The following CEL variants were observed in gnomAD, a reference collection of about 807,000 sequenced individuals.
CEL encodes the protein carboxyl ester lipase.
A neutral mutation model predicts 57.1 loss-of-function variants in CEL; 39 were observed. The ratio of observed to expected loss-of-function variants is 0.68; its 90% CI spans 0.53 to 0.89. CEL has a LOEUF of 0.89. Among genes scored for constraint, CEL ranks in the 40% least tolerant of loss-of-function variants. CEL has a pLI of 0.00. For synonymous variants in CEL, 314 were observed against 396.6 expected (o/e 0.79, Z 2.48); for missense variants, 698 against 915.0 (o/e 0.76, Z 3.06).
At chr9:133,064,920 G>T in intron 3 of CEL, 120 bp from the exon 4 acceptor site, 1 of 1,535,506 alleles carries the variant, frequency 6.5e-7, no homozygotes, top group South Asian at 1.2e-5. Flanking sequence ...CTGGGGCAGG[G>T]CAGCGCCTTG....
At chr9:133,067,039 G>A (rs1564211714) in intron 6 of CEL, 49 bp from the exon 7 acceptor site, 2 of 1,610,480 alleles carry the variant, frequency 1.2e-6, no homozygotes, top group Non-Finnish European at 8.5e-7. Context: ...ATGGTTCTGA[G>A]CCCTGAGCTC....
chr9:133,071,772 T>G lies in CEL; in HGVS notation c.*8T>G. On this transcript the variant is annotated 3_prime_UTR_variant, in exon 11 of 11. Transcript: ENST00000372080. Reference sequence around the variant, plus strand: ...GCAGTCATTAGGTTTTAGCGTCCCATGAGCCTTGGTATCAAGAGGCCACAA... The same window carrying G: ...GCAGTCATTAGGTTTTAGCGTCCCAGGAGCCTTGGTATCAAGAGGCCACAA... The G allele has an allele frequency of 6.2e-7, 1 of 1,611,164 alleles. No individual in the cohort carries two copies. The highest frequency in any genetic ancestry group is 1.1e-5 in the South Asian group (1 of 91,028).
At chr9:133,063,943 AG>A (rs1333576229) in intron 1 of CEL, among the ~76,000 whole-genome samples, 5 of 152,160 alleles carry the variant, frequency 3.3e-5, no homozygotes, top group African/African-American at 9.7e-5. Flanking sequence ...GAAAGGAGGA[AG>A]GTTGGTGTGA....
rs1830256951 is a variant in CEL, at chr9:133,071,152, C to T, written c.1650C>T (p.Pro550=). The change falls in exon 11 of 11, where the codon CCC becomes CCT. Residue 550 remains proline, a synonymous_variant. Transcript: ENST00000372080. Reference sequence around the variant, plus strand: ...GGACCCTCACCTATCTGGCGCTGCCCACAGTGACCGACCAGGAGGCCACCC... The same window carrying T: ...GGACCCTCACCTATCTGGCGCTGCCTACAGTGACCGACCAGGAGGCCACCC... ...RYWTLTYLAL[P]TVTDQEATPV... 1 of 1,608,526 alleles carries T rather than the reference C, an allele frequency of 6.2e-7. No homozygotes were observed. The highest frequency in any genetic ancestry group is 8.5e-7 in the Non-Finnish European group (1 of 1,179,600).
chr9:133,068,503 A>G (rs1041568231), intron 7 of CEL, among the ~76,000 whole-genome samples, 169 bp from the exon 8 acceptor site: 1 of 151,222 alleles, frequency 6.6e-6, no homozygotes, highest in Non-Finnish European at 1.5e-5. Context: ...TGCTCTAAAC[A>G]TCCTACAGGG....
intron 10 of CEL, 46 bp from the exon 11 acceptor site, chr9:133,070,941 C>T (rs1189715086): frequency 6.2e-7 from 1 of 1,604,440 alleles, no homozygotes; most frequent in South Asian, 1.1e-5. Context: ...GGGCTTCAGC[C>T]CCCTGGGAGT....
In CEL at chr9:133,066,080, GA is replaced by G. The variant is rs1186950171; in HGVS notation, c.539-449del. Among the ~76,000 whole-genome samples, 3 of 152,158 alleles carry G rather than the reference GA, an allele frequency of 2.0e-5. No individual in the cohort carries two copies. Among genetic ancestry groups the G allele is most frequent in the Non-Finnish European group, 4.4e-5 (3 of 68,018 alleles). ...AGGCTGAGGCTCAGAGAGAAACCAG[GA>G]GAGCAGAGCTGAGTGAGAGACAGAG... On this transcript the variant is annotated intron_variant, in intron 4 of 10. Coordinates refer to ENST00000372080, the MANE Select transcript of CEL (RefSeq NM_001807.6). This position sits in a 1 kb window ranked among gnomAD's most constrained non-coding sequence, Gnocchi z 4.3.
Position 133,071,547 on chromosome 9 carries a change from C to A in CEL, c.2045C>A (p.Pro682Gln), listed in dbSNP as rs775462755. The change falls in exon 11 of 11, where the codon CCG becomes CAG. Residue 682 changes from proline to glutamine, a missense_variant. Around this residue, in one of 6 missense-constraint regions of CEL, gnomAD observed 238 missense variants for 213.7 expected, o/e 1.11. Coordinates refer to ENST00000372080, the MANE Select transcript of CEL (RefSeq NM_001807.6). ...PTGDAGPPPV[P>Q]PTGDSGAPPV... ...GGTGACGCCGGGCCCCCCCCCGTGC[C>A]GCCCACGGGTGACTCCGGCGCCCCC... 4 of 873,430 alleles carry A rather than the reference C, an allele frequency of 4.6e-6. No individual in the cohort carries two copies. Among genetic ancestry groups the A allele is most frequent in the Non-Finnish European group, 6.5e-6 (4 of 616,830 alleles). 54.1% of individuals were successfully genotyped at this position (873,430 alleles called of 1,614,324 possible).
intron 4 of CEL, among the ~76,000 whole-genome samples, chr9:133,065,506 C>G (rs1830163900): frequency 1.3e-5 from 2 of 152,002 alleles, no homozygotes; most frequent in South Asian, 4.2e-4. Context: ...AAGTTCAAGA[C>G]CAGCCTGAAA....
intron 4 of CEL, 126 bp downstream of exon 4, chr9:133,065,363 T>C: frequency 8.9e-7 from 1 of 1,126,682 alleles, no homozygotes; most frequent in Non-Finnish European, 1.3e-6. Context: ...GAAGCTGGAG[T>C]AGAATCATGA....
chr9:133,066,133 G>A lies in CEL; in HGVS notation c.539-397G>A, dbSNP rs1361403651. On this transcript the variant is annotated intron_variant, in intron 4 of 10. Transcript: ENST00000372080. This position sits in a 1 kb window ranked among gnomAD's most constrained non-coding sequence, Gnocchi z 4.3. ...ACAATACCTTGAGGCAGAGACAGCT[G>A]TGGACACAGAAGTGGCAGGACACAG... is the stretch of plus-strand genomic sequence containing the variant. Among the ~76,000 whole-genome samples the A allele has an allele frequency of 6.6e-6, 1 of 152,280 alleles. No individual in the cohort carries two copies. The highest frequency in any genetic ancestry group is 1.5e-5 in the Non-Finnish European group (1 of 68,026).
intron 7 of CEL, among the ~76,000 whole-genome samples, chr9:133,067,450 T>G (rs1371820588): frequency 1.3e-5 from 2 of 151,960 alleles, no homozygotes. Context: ...CTCAGCTCAC[T>G]GCAACCTCCA....
chr9:133,068,410 C>T (rs1484555289), intron 7 of CEL, among the ~76,000 whole-genome samples: 2 of 152,086 alleles, frequency 1.3e-5, no homozygotes, highest in Non-Finnish European at 1.5e-5. Context: ...AGCCTGGGGA[C>T]GTGTGGCAGG....
Position 133,070,580 on chromosome 9 carries a change from C to A in CEL, c.1406C>A (p.Thr469Asn). ...IQYVFGKPFA[T>N]PTGYRPQDRT... ...TACGTTTTCGGGAAGCCCTTCGCCA[C>A]CCCCACGGGCTACCGGCCCCAAGAC... is the stretch of plus-strand genomic sequence containing the variant. The change falls in exon 10 of 11, where the codon ACC becomes AAC. Residue 469 changes from threonine to asparagine, a missense_variant. Transcript: ENST00000372080. 1.9e-6 allele frequency: 3 copies of A among 1,613,946 alleles called. No individual in the cohort carries two copies. Among genetic ancestry groups the A allele is most frequent in the Non-Finnish European group, 2.5e-6 (3 of 1,179,856 alleles).
rs1282698673 is a variant in CEL at position 133,064,518 on chromosome 9, G to A, written c.181G>A (p.Ala61Thr). 6.2e-7 allele frequency: 1 copy of A among 1,614,192 alleles called. No individual in the cohort carries two copies. Among genetic ancestry groups the A allele is most frequent in the Admixed American group, 1.7e-5 (1 of 60,024 alleles). Residue 61 changes from alanine (A) to threonine (T), a missense_variant, in exon 2 of 11, where the codon GCC (alanine) becomes ACC (threonine). Ala to Thr is a moderately conservative substitution (Grantham distance 58). Coordinates refer to ENST00000372080, the MANE Select transcript of CEL (RefSeq NM_001807.6). ...CATCCCCTTCGCAGCTCCCACCAAG[G>A]CCCTGGAAAATCCTCAGCCACATCC... ...KGIPFAAPTK[A>T]LENPQPHPGW...
intron 1 of CEL, among the ~76,000 whole-genome samples, chr9:133,064,177 T>G (rs899090085): frequency 3.3e-5 from 5 of 152,136 alleles, no homozygotes; most frequent in Non-Finnish European, 7.4e-5. Flanking sequence ...ACCAGTTTCC[T>G]CTAAGATTCT....
rs557785954 is a variant in CEL, at chr9:133,065,841, T to A, written c.538+604T>A. On this transcript the variant is annotated intron_variant, in intron 4 of 10. Transcript: ENST00000372080. The stretch of plus-strand genomic sequence containing the variant: ...AGCCTGGAGAACAAGAGTAAAACTC[T>A]GTCTCAAAAAAAAAAAAAAAAAAAA... Among the ~76,000 whole-genome samples the A allele has an allele frequency of 8.2e-4, 100 of 121,280 alleles. 1 individual carries two copies. The highest frequency in any genetic ancestry group is 3.1e-3 in the African/African-American group (98 of 31,198). 79.6% of individuals were successfully genotyped at this position (121,280 alleles called of 152,430 possible). A position where few individuals can be genotyped will look rare whatever the true frequency, so the allele number is the denominator to read the frequency against.
rs371275291 is a variant in CEL, at chr9:133,068,741, A to G, written c.965A>G (p.Asn322Ser). The G allele has an allele frequency of 1.9e-3, 3,010 of 1,606,210 alleles. 43 individuals carry two copies. The African/African-American group carries it at 0.037, about 20-fold the overall frequency. Residue 322 changes from asparagine (N) to serine (S), a missense_variant, in exon 8 of 11, where the codon AAC (asparagine) becomes AGC (serine). This residue lies in a region of CEL where 18 missense variants were observed against 81.4 expected (regional missense o/e 0.22). Transcript: ENST00000372080. ...GACTTCATCCCCGCTGACCCGATCA[A>G]CCTGTACGCCAACGCCGCCGACATC... The part of the protein sequence containing the change: ...DGDFIPADPI[N>S]LYANAADIDY...
At chr9:133,068,475 G>C (rs1194545716) in intron 7 of CEL, among the ~76,000 whole-genome samples, 197 bp from the exon 8 acceptor site, 6 of 151,666 alleles carry the variant, frequency 4.0e-5, no homozygotes, top group African/African-American at 1.5e-4. Context: ...CTGGCACCTC[G>C]TGGGTCGAGG....
Sources: gnomAD v4.1 joint callset for allele counts (sites outside exome capture counted in the v4.1 genomes callset) on GRCh38, gnomAD v4.1.1 for gene constraint, gnomAD v4.1.1 regional missense constraint, Gnocchi (gnomAD v3.1) non-coding constraint, MANE v1.5 for transcripts, NCBI Gene and HGNC (gene_info 2026-07-23, HGNC 2026-07-21) for gene names.